The following HS3ST3A1 variants were observed in gnomAD, a reference collection of about 807,000 sequenced individuals.
HS3ST3A1 encodes heparan sulfate-glucosamine 3-sulfotransferase 3A1, also known as heparan sulfate glucosamine 3-O-sulfotransferase 3A1.
Under a neutral mutation model 25.7 loss-of-function variants are expected in HS3ST3A1, and 19 were observed. The ratio of observed to expected loss-of-function variants is 0.74; its 90% CI spans 0.52 to 1.08. The LOEUF (loss-of-function observed/expected upper bound fraction) is 1.08, where lower values mean the gene tolerates loss of function less well. Among genes scored for constraint, HS3ST3A1 ranks in the 50% least tolerant of loss-of-function variants. The probability of loss-of-function intolerance (pLI) is 0.00; values close to 1 mark genes in which losing one functional copy is unlikely to be tolerated. For synonymous variants in HS3ST3A1, 226 were observed against 278.6 expected, an observed-to-expected ratio of 0.81 and a Z score of 1.88; for missense variants, 459 against 594.3, an observed-to-expected ratio of 0.77 and a Z score of 2.37.
chr17:13,593,185 T>C (rs759368157), intron 1 of HS3ST3A1, among the ~76,000 whole-genome samples: 1 of 145,862 alleles, frequency 6.9e-6, no homozygotes, highest in African/African-American at 2.5e-5. Context: ...CTATTTTCCC[T>C]ATAACCAGCT....
chr17:13,526,470 ATT>A (rs755867783), intron 1 of HS3ST3A1, among the ~76,000 whole-genome samples: 1,428 of 67,050 alleles, frequency 0.021, 56 homozygotes, highest in East Asian at 0.042. Context: ...TACAACTTTA[ATT>A]TTTATATATA....
intron 1 of HS3ST3A1, among the ~76,000 whole-genome samples, chr17:13,569,591 C>A (rs1407554485): frequency 6.6e-6 from 1 of 152,134 alleles, no homozygotes; most frequent in Non-Finnish European, 1.5e-5. Flanking sequence ...CGGCCAGTGT[C>A]CCCCAGCCAT....
At chr17:13,597,571 G>GTT (rs535234211) in intron 1 of HS3ST3A1, among the ~76,000 whole-genome samples, 8 of 151,140 alleles carry the variant, frequency 5.3e-5, no homozygotes, top group Non-Finnish European at 1.2e-4. Context: ...AATGAGGAGT[G>GTT]TTTTTTTTTA....
chr17:13,503,569 C>G (rs1036762957), intron 1 of HS3ST3A1, among the ~76,000 whole-genome samples: 5 of 152,012 alleles, frequency 3.3e-5, no homozygotes, highest in Non-Finnish European at 7.4e-5. Context: ...TAGGTGTCAA[C>G]TAAAAATGAA....
intron 1 of HS3ST3A1, among the ~76,000 whole-genome samples, chr17:13,505,376 G>A (rs186456026): frequency 7.2e-5 from 11 of 152,152 alleles, no homozygotes; most frequent in Non-Finnish European, 1.6e-4. Flanking sequence ...CTGAGGAGCT[G>A]TATGAAATTA....
chr17:13,528,169 T>G (rs962355718), intron 1 of HS3ST3A1, among the ~76,000 whole-genome samples: 7 of 152,182 alleles, frequency 4.6e-5, no homozygotes, highest in African/African-American at 1.7e-4. Flanking sequence ...CCATTCCTAA[T>G]GTAATGTGAA....
At chr17:13,556,389 T>C (rs1907374688) in intron 1 of HS3ST3A1, among the ~76,000 whole-genome samples, 1 of 151,636 alleles carries the variant, frequency 6.6e-6, no homozygotes, top group South Asian at 2.1e-4. Flanking sequence ...GCACCTGTAG[T>C]CCCAGCTACT....
At chr17:13,505,156 G>A (rs753620269) in intron 1 of HS3ST3A1, among the ~76,000 whole-genome samples, 7 of 152,168 alleles carry the variant, frequency 4.6e-5, no homozygotes, top group African/African-American at 9.7e-5. Context: ...TGCCTAGTGC[G>A]AGAGTATTTC....
chr17:13,553,811 C>T (rs1189462506), intron 1 of HS3ST3A1, among the ~76,000 whole-genome samples: 2 of 152,184 alleles, frequency 1.3e-5, no homozygotes, highest in Non-Finnish European at 1.5e-5. Context: ...CTCACACATT[C>T]TCCCCTCTCA....
At chr17:13,597,125 T>A (rs867502114) in intron 1 of HS3ST3A1, among the ~76,000 whole-genome samples, 4 of 152,084 alleles carry the variant, frequency 2.6e-5, no homozygotes, top group African/African-American at 9.7e-5. Context: ...GACATGCTAG[T>A]GTAAGAGACT....
intron 1 of HS3ST3A1, among the ~76,000 whole-genome samples, chr17:13,530,203 C>T (rs999873109): frequency 2.0e-5 from 3 of 152,128 alleles, no homozygotes; most frequent in African/African-American, 7.2e-5. Context: ...AAATATAGTT[C>T]TTATTTTTAG....
At chr17:13,584,554 GGAAGGAAGGAAA>G (rs1197030859) in intron 1 of HS3ST3A1, among the ~76,000 whole-genome samples, 3 of 148,700 alleles carry the variant, frequency 2.0e-5, no homozygotes, top group South Asian at 4.3e-4. Context: ...AAGGAAAGAA[GGAAGGAAGGAAA>G]GAAGGAAGGA....
intron 1 of HS3ST3A1, among the ~76,000 whole-genome samples, chr17:13,530,688 C>A (rs1906579232): frequency 6.6e-6 from 1 of 152,188 alleles, no homozygotes; most frequent in South Asian, 2.1e-4. Context: ...AGCTGATAGT[C>A]CTGAATCATG....
At chr17:13,540,466 G>T (rs1184784482) in intron 1 of HS3ST3A1, among the ~76,000 whole-genome samples, 1 of 152,102 alleles carries the variant, frequency 6.6e-6, no homozygotes, top group African/African-American at 2.4e-5. Context: ...CTTCAACATT[G>T]TATGATTTGA....
intron 1 of HS3ST3A1, among the ~76,000 whole-genome samples, chr17:13,529,059 G>A (rs529529577): frequency 6.6e-6 from 1 of 152,224 alleles, no homozygotes; most frequent in Admixed American, 6.5e-5. Flanking sequence ...GGTAGTCCTG[G>A]GAGAAGAATG....
intron 1 of HS3ST3A1, among the ~76,000 whole-genome samples, chr17:13,497,487 T>C (rs1484333678): frequency 1.3e-5 from 2 of 152,260 alleles, no homozygotes; most frequent in Non-Finnish European, 2.9e-5. Context: ...AAGTAAATTC[T>C]GACTTTCTGT....
intron 1 of HS3ST3A1, among the ~76,000 whole-genome samples, chr17:13,590,480 C>T (rs1468783002): frequency 1.3e-5 from 2 of 152,158 alleles, no homozygotes; most frequent in African/African-American, 4.8e-5. Context: ...ATTAGAAGCC[C>T]TGAGTTCTTG....
chr17:13,572,088 C>T (rs1907831710), intron 1 of HS3ST3A1, among the ~76,000 whole-genome samples: 1 of 152,100 alleles, frequency 6.6e-6, no homozygotes, highest in African/African-American at 2.4e-5. Context: ...ACAGAGACTC[C>T]ACAGGAAAAT....
At chr17:13,536,266 C>A (rs1313155275) in intron 1 of HS3ST3A1, among the ~76,000 whole-genome samples, 2 of 151,216 alleles carry the variant, frequency 1.3e-5, no homozygotes, top group Admixed American at 1.3e-4. Context: ...GATAAATGAG[C>A]TTATGCTATT....
Sources: gnomAD v4.1 joint callset for allele counts (sites outside exome capture counted in the v4.1 genomes callset) on GRCh38, gnomAD v4.1.1 for gene constraint, MANE v1.5 for transcripts, NCBI Gene and HGNC (gene_info 2026-07-23, HGNC 2026-07-21) for gene names.